CATSPERB: variants seen among roughly 807,000 people sequenced by gnomAD.
The protein encoded by CATSPERB is catsper channel auxiliary subunit beta.
A neutral mutation model predicts 128.3 loss-of-function variants in CATSPERB; 93 were observed. The observed-to-expected ratio is 0.72, with a 90% confidence interval of 0.61 to 0.86. The LOEUF is 0.86. CATSPERB is among the 40% of genes least tolerant of loss of function. CATSPERB has a pLI of 0.00. For missense variants in CATSPERB, 1,153 were observed against 1,329.5 expected, an observed-to-expected ratio of 0.87 and a Z score of 2.06; for synonymous variants, 381 against 448.8, an observed-to-expected ratio of 0.85 and a Z score of 1.91.
At chr14:91,647,544 C>T (rs919197194) in intron 15 of CATSPERB, among the ~76,000 whole-genome samples, 4 of 152,194 alleles carry the variant, frequency 2.6e-5, no homozygotes, top group Non-Finnish European at 5.9e-5. Context: ...ATTTAATTGA[C>T]TCACAGTTCC....
chr14:91,702,675 A>AACACACACACACACACACACAC (rs71461951), intron 7 of CATSPERB, among the ~76,000 whole-genome samples: 1 of 145,500 alleles, frequency 6.9e-6, no homozygotes, highest in Non-Finnish European at 1.5e-5. Flanking sequence ...CAAAAAAGAA[A>AACACACACACACACACACACAC]ACACACACAC....
intron 17 of CATSPERB, among the ~76,000 whole-genome samples, chr14:91,625,380 C>G (rs1380478961): frequency 1.3e-5 from 2 of 151,780 alleles, no homozygotes; most frequent in African/African-American, 4.8e-5. Context: ...TATTATGGCT[C>G]TATCCTAAGG....
At position 91,639,316 on chromosome 14, in the gene CATSPERB, T is replaced by A. The variant is rs142693395; in HGVS notation, c.1433-66A>T. 234 of 1,357,940 alleles carry A rather than the reference T, an allele frequency of 1.7e-4. 2 individuals are homozygous for A. The East Asian group carries it at 5.4e-3, about 31-fold the overall frequency. The allele number at this position is 1,357,940 out of a possible 1,614,324, so 84.1% of individuals were successfully genotyped here. On this transcript the variant is annotated intron_variant, in intron 15 of 26. Coordinates refer to ENST00000256343, the MANE Select transcript of CATSPERB (RefSeq NM_024764.4). Reference sequence around the variant, plus strand: ...CAGAAGTCGAAAAACTTTAATATCATACCTTGTAAAGACACCTTCATTTAA... The same window carrying A: ...CAGAAGTCGAAAAACTTTAATATCAAACCTTGTAAAGACACCTTCATTTAA...
intron 20 of CATSPERB, among the ~76,000 whole-genome samples, chr14:91,616,281 T>C (rs1364940519): frequency 6.6e-6 from 1 of 152,216 alleles, no homozygotes; most frequent in Non-Finnish European, 1.5e-5. Context: ...ATCTTTCATC[T>C]TTCATCACTT....
chr14:91,699,615 C>T (rs7159543), intron 7 of CATSPERB, among the ~76,000 whole-genome samples: 17,754 of 151,112 alleles, frequency 0.12, 1,343 homozygotes, highest in African/African-American at 0.21. Context: ...CTCTTGTCAC[C>T]CAGGCTGGAA....
At chr14:91,694,612 A>T (rs1254991564) in intron 7 of CATSPERB, among the ~76,000 whole-genome samples, 1 of 152,152 alleles carries the variant, frequency 6.6e-6, no homozygotes, top group Non-Finnish European at 1.5e-5. Context: ...AATAATTTTT[A>T]AAAACTCCAA....
chr14:91,627,561 G>A (rs1386290849), intron 17 of CATSPERB, among the ~76,000 whole-genome samples: 1 of 152,148 alleles, frequency 6.6e-6, no homozygotes, highest in Non-Finnish European at 1.5e-5. Context: ...AAAGAAAAAT[G>A]GGCTTAGGTT....
At chr14:91,590,073 A>G (rs1288733607) in intron 23 of CATSPERB, among the ~76,000 whole-genome samples, 2 of 152,294 alleles carry the variant, frequency 1.3e-5, no homozygotes, top group East Asian at 1.9e-4. Context: ...GCCCCAATGC[A>G]TGTTAATAAT....
In CATSPERB at chr14:91,610,506, C is replaced by G; in HGVS notation, c.2572G>C (p.Gly858Arg). Residue 858 changes from glycine (G) to arginine (R), a missense_variant, in exon 21 of 27, where the codon GGT becomes CGT. Coordinates refer to ENST00000256343, the MANE Select transcript of CATSPERB (RefSeq NM_024764.4). ...GGCAAAGTTTTGATGAGGTTAAAACCCTGACTGTCTTTATGAACTCCACTA... is the reference window on the plus strand; with the variant it reads ...GGCAAAGTTTTGATGAGGTTAAAACGCTGACTGTCTTTATGAACTCCACTA... Reference protein sequence around the residue: ...WISGVHKDSQGFNLIKTLPIN... With the variant: ...WISGVHKDSQRFNLIKTLPIN... The G allele has an allele frequency of 6.2e-7, 1 of 1,613,646 alleles. No homozygotes were observed. Among genetic ancestry groups the G allele is most frequent in the Non-Finnish European group, 8.5e-7 (1 of 1,179,972 alleles).
chr14:91,600,686 TG>T (rs893156087), intron 22 of CATSPERB, among the ~76,000 whole-genome samples: 1 of 152,216 alleles, frequency 6.6e-6, no homozygotes, highest in African/African-American at 2.4e-5. Flanking sequence ...GCCAGAAAAA[TG>T]AGATTCATGC....
chr14:91,660,108 TCTCTCTCTCACA>T, intron 14 of CATSPERB, 127 bp from the exon 15 acceptor site: 2 of 605,780 alleles, frequency 3.3e-6, no homozygotes, highest in Non-Finnish European at 5.6e-6. Flanking sequence ...CATCTCTCTC[TCTCTCTCTCACA>T]CACACACACA....
chr14:91,607,208 TATGAGCTTACCTTCTC>T (rs1431443848), intron 22 of CATSPERB, among the ~76,000 whole-genome samples: 1 of 152,104 alleles, frequency 6.6e-6, no homozygotes, highest in Non-Finnish European at 1.5e-5. Context: ...ACCTCTACCT[TATGAGCTTACCTTCTC>T]ATGGGGTCAG....
intron 14 of CATSPERB, among the ~76,000 whole-genome samples, chr14:91,664,551 T>C (rs1314541415): frequency 6.6e-6 from 1 of 152,038 alleles, no homozygotes; most frequent in African/African-American, 2.4e-5. Flanking sequence ...CAGTCTTCCA[T>C]GTCTTTTACA....
intron 7 of CATSPERB, among the ~76,000 whole-genome samples, chr14:91,701,755 G>A (rs2139852562): frequency 6.6e-6 from 1 of 152,076 alleles, no homozygotes; most frequent in East Asian, 1.9e-4. Flanking sequence ...GCCTCGCAAA[G>A]GAACTGCTAG....
chr14:91,698,950 A>G (rs914788818), intron 7 of CATSPERB, among the ~76,000 whole-genome samples: 47 of 152,140 alleles, frequency 3.1e-4, no homozygotes, highest in African/African-American at 9.9e-4. Context: ...GTGAGAACAC[A>G]TGGTTTTTGG....
intron 24 of CATSPERB, among the ~76,000 whole-genome samples, chr14:91,588,450 T>G (rs948978497): frequency 1.3e-5 from 2 of 152,116 alleles, no homozygotes; most frequent in Admixed American, 1.3e-4. Flanking sequence ...GTGCTTCGTG[T>G]TTTTGGCAGT....
At chr14:91,718,038 C>T (rs1046847635) in intron 5 of CATSPERB, among the ~76,000 whole-genome samples, 1 of 152,110 alleles carries the variant, frequency 6.6e-6, no homozygotes, top group Non-Finnish European at 1.5e-5. Context: ...AGAATCAATG[C>T]TTTTCTAAAA....
At chr14:91,615,221 A>T (rs1243003569) in intron 20 of CATSPERB, among the ~76,000 whole-genome samples, 2 of 152,180 alleles carry the variant, frequency 1.3e-5, no homozygotes, top group Non-Finnish European at 2.9e-5. Flanking sequence ...ACCTCCTGTC[A>T]CATCGGCGGC....
At chr14:91,701,510 T>C (rs1351681406) in intron 7 of CATSPERB, among the ~76,000 whole-genome samples, 1 of 152,114 alleles carries the variant, frequency 6.6e-6, no homozygotes. Context: ...TAGAGCGGGA[T>C]AAAAGTTTGA....
Sources: allele counts gnomAD v4.1 joint callset (sites outside exome capture counted in the v4.1 genomes callset), GRCh38; gene constraint gnomAD v4.1.1; transcripts MANE v1.5; gene names NCBI Gene and HGNC (gene_info 2026-07-23, HGNC 2026-07-21).